GALNT13: variants seen among roughly 807,000 people sequenced by gnomAD.
GALNT13 encodes polypeptide N-acetylgalactosaminyltransferase 13, also known as UDP-GalNAc:polypeptide N-acetylgalactosaminyltransferase 13.
A neutral mutation model predicts 64.2 loss-of-function variants in GALNT13; 28 were observed. The observed-to-expected ratio is 0.44, with a 90% CI of 0.32 to 0.60. The LOEUF is 0.60. GALNT13 is among the 20% of genes least tolerant of loss of function. The pLI, the probability that GALNT13 is intolerant of heterozygous loss-of-function variation, is 0.05. For synonymous variants in GALNT13, 214 were observed against 224.6 expected (o/e 0.95, Z 0.42); for missense variants, 577 against 669.8 (o/e 0.86, Z 1.53).
At chr2:154,337,675 T>A (rs184027877) in intron 9 of GALNT13, among the ~76,000 whole-genome samples, 155 of 152,180 alleles carry the variant, frequency 1.0e-3, no homozygotes, top group African/African-American at 3.5e-3. Flanking sequence ...TATTTTACAT[T>A]TTTCCATAGG....
At chr2:153,148,074 A>C in the GALNT13 span, among the ~76,000 whole-genome samples, 1 of 151,904 alleles carries the variant, frequency 6.6e-6, no homozygotes, top group African/African-American at 2.4e-5. Flanking sequence ...ACTAAGGTTG[A>C]TATATGCACA....
chr2:153,534,048 C>A, the GALNT13 span, among the ~76,000 whole-genome samples: 1 of 152,006 alleles, frequency 6.6e-6, no homozygotes, highest in East Asian at 1.9e-4. Context: ...ATAGAATTTC[C>A]ATCTCTATTC....
At chr2:154,455,110 G>T (rs183796436), downstream of GALNT13, among the ~76,000 whole-genome samples, 1 of 152,232 alleles carries the variant, frequency 6.6e-6, no homozygotes, top group Admixed American at 6.5e-5. Flanking sequence ...AAGGAAAAAA[G>T]TGTACAGAGA....
intron 9 of GALNT13, among the ~76,000 whole-genome samples, chr2:154,311,074 T>C (rs1353430640): frequency 6.6e-6 from 1 of 151,602 alleles, no homozygotes; most frequent in Non-Finnish European, 1.5e-5. Flanking sequence ...GTAGATATTG[T>C]CAAAAATTCT....
the GALNT13 span, among the ~76,000 whole-genome samples, chr2:153,620,881 G>A: frequency 6.6e-6 from 1 of 151,660 alleles, no homozygotes. Context: ...TCACTGTGTG[G>A]GCTTATTTGT....
chr2:153,298,358 C>T, the GALNT13 span, among the ~76,000 whole-genome samples: 5 of 152,254 alleles, frequency 3.3e-5, no homozygotes, highest in South Asian at 8.3e-4. Context: ...CTGAAGATCA[C>T]ATGACACCTC....
At chr2:154,317,911 A>G (rs1694409485) in intron 9 of GALNT13, among the ~76,000 whole-genome samples, 1 of 151,078 alleles carries the variant, frequency 6.6e-6, no homozygotes, top group Non-Finnish European at 1.5e-5. Flanking sequence ...TTATTCATCC[A>G]GATTCTTGTC....
chr2:153,303,790 T>C, the GALNT13 span, among the ~76,000 whole-genome samples: 1 of 152,158 alleles, frequency 6.6e-6, no homozygotes, highest in Non-Finnish European at 1.5e-5. Context: ...AGATTTTTTT[T>C]GGCAGGGGTG....
chr2:154,023,201 A>G (rs977444709), intron 3 of GALNT13, among the ~76,000 whole-genome samples: 2 of 152,132 alleles, frequency 1.3e-5, no homozygotes, highest in African/African-American at 2.4e-5. Flanking sequence ...GTAGATGTCT[A>G]TTAGGTCCAC....
At chr2:153,744,335 A>G in the GALNT13 span, among the ~76,000 whole-genome samples, 1 of 152,062 alleles carries the variant, frequency 6.6e-6, no homozygotes, top group Admixed American at 6.6e-5. Context: ...CCTCACCAGC[A>G]TTTGGTATTG....
At chr2:153,871,649 G>A (rs541987480), upstream of GALNT13, among the ~76,000 whole-genome samples, 95 of 152,324 alleles carry the variant, frequency 6.2e-4, no homozygotes, top group African/African-American at 2.2e-3. Flanking sequence ...GGTTGCTCTT[G>A]GGGGCCGTGC....
At chr2:153,779,681 C>T in the GALNT13 span, among the ~76,000 whole-genome samples, 1 of 152,106 alleles carries the variant, frequency 6.6e-6, no homozygotes, top group Non-Finnish European at 1.5e-5. Flanking sequence ...CAAAGCTGAT[C>T]TGTGTATTTC....
At chr2:153,249,542 G>A in the GALNT13 span, among the ~76,000 whole-genome samples, 5 of 151,982 alleles carry the variant, frequency 3.3e-5, no homozygotes, top group South Asian at 2.1e-4. Context: ...ATTTCATATG[G>A]TACCAAAAAA....
At chr2:154,255,215 A>G (rs1336781003) in intron 7 of GALNT13, among the ~76,000 whole-genome samples, 1 of 152,206 alleles carries the variant, frequency 6.6e-6, no homozygotes, top group Non-Finnish European at 1.5e-5. Context: ...GAAAAAGTTA[A>G]GGACAGGTTA....
chr2:153,540,725 G>A, the GALNT13 span, among the ~76,000 whole-genome samples: 1 of 152,234 alleles, frequency 6.6e-6, no homozygotes, highest in African/African-American at 2.4e-5. Flanking sequence ...AGATTTTGAA[G>A]CTTTAAGATT....
At chr2:153,582,745 C>T in the GALNT13 span, among the ~76,000 whole-genome samples, 1 of 152,072 alleles carries the variant, frequency 6.6e-6, no homozygotes. Context: ...TTATACATCT[C>T]TTTGAAATAA....
At chr2:154,111,702 T>C (rs534872122) in intron 3 of GALNT13, among the ~76,000 whole-genome samples, 1 of 152,296 alleles carries the variant, frequency 6.6e-6, no homozygotes, top group East Asian at 1.9e-4. Context: ...CGATGAATCC[T>C]GGCTTTGGGA....
At chr2:153,135,112 G>A in the GALNT13 span, among the ~76,000 whole-genome samples, 1 of 152,126 alleles carries the variant, frequency 6.6e-6, no homozygotes, top group African/African-American at 2.4e-5. Context: ...CCATGGTTGG[G>A]TTCTGGTGAG....
At chr2:153,494,205 AT>A in the GALNT13 span, among the ~76,000 whole-genome samples, 2 of 152,000 alleles carry the variant, frequency 1.3e-5, no homozygotes, top group Non-Finnish European at 2.9e-5. Flanking sequence ...TAAAATTATA[AT>A]TTTTCCCAAT....
Sources: allele counts gnomAD v4.1 joint callset (sites outside exome capture counted in the v4.1 genomes callset), GRCh38; gene constraint gnomAD v4.1.1; transcripts MANE v1.5; gene names NCBI Gene and HGNC (gene_info 2026-07-23, HGNC 2026-07-21).